Variants in RPH3A observed in about 807,000 individuals in gnomAD.
RPH3A encodes the protein rabphilin 3A.
In RPH3A, 48 loss-of-function variants were observed where a neutral mutation model predicts 102.2. The observed-to-expected ratio is 0.47, with a 90% CI of 0.37 to 0.60. RPH3A has a LOEUF of 0.60. RPH3A is among the 20% of genes least tolerant of loss of function. The pLI is 0.00. For synonymous variants in RPH3A, 310 were observed against 324.3 expected (o/e 0.96, Z 0.47); for missense variants, 781 against 910.1 (o/e 0.86, Z 1.83).
At position 112,852,669 on chromosome 12, in the gene RPH3A, C is replaced by T. The variant is rs569201858; in HGVS notation, c.230+4827C>T. Among the ~76,000 whole-genome samples the T allele has an allele frequency of 4.6e-5, 7 of 152,276 alleles. No homozygotes were observed. The South Asian group carries it at 1.5e-3, about 32-fold the overall frequency. ...ATCAGCAGTGGCCAGAGGTGCCAGG[C>T]TAGACACACGTGGCTGCTGAGCACT... On this transcript the variant is annotated intron_variant, in intron 5 of 21. Coordinates refer to ENST00000389385, the MANE Select transcript of RPH3A (RefSeq NM_001143854.2).
At chr12:112,797,836 A>G (rs73427006) in intron 2 of RPH3A, among the ~76,000 whole-genome samples, 2,253 of 151,846 alleles carry the variant, frequency 0.015, 68 homozygotes, top group African/African-American at 0.051. Flanking sequence ...GGAAGTACAG[A>G]CACGACCATG....
chr12:112,654,138 C>T lies in RPH3A; in HGVS notation c.-140+78819C>T, dbSNP rs372085563. Among the ~76,000 whole-genome samples the T allele has an allele frequency of 4.9e-4, 74 of 152,292 alleles. 1 individual carries two copies. Among genetic ancestry groups the T allele is most frequent in the African/African-American group, 1.6e-3 (66 of 41,550 alleles). On this transcript the variant is annotated intron_variant, in intron 1 of 21. Transcript: ENST00000543106. ...CCTCCTGAAGGACCTGGCTGAGGCTCTTGAGGAGATGTCACTCTTTTCAGA... is the reference window on the plus strand; with the variant it reads ...CCTCCTGAAGGACCTGGCTGAGGCTTTTGAGGAGATGTCACTCTTTTCAGA...
intron 1 of RPH3A, among the ~76,000 whole-genome samples, chr12:112,663,838 C>T (rs1244369494): frequency 6.6e-6 from 1 of 152,152 alleles, no homozygotes; most frequent in African/African-American, 2.4e-5. Flanking sequence ...TCACATCTTT[C>T]CAGCATATAA....
intron 2 of RPH3A, among the ~76,000 whole-genome samples, chr12:112,819,169 G>A (rs1337208115): frequency 6.6e-6 from 1 of 151,988 alleles, no homozygotes; most frequent in Non-Finnish European, 1.5e-5. Context: ...GCAGTGGCAT[G>A]ATCTCAGCTC....
At chr12:112,621,210 A>G (rs1282991483) in intron 1 of RPH3A, among the ~76,000 whole-genome samples, 1 of 152,042 alleles carries the variant, frequency 6.6e-6, no homozygotes, top group Non-Finnish European at 1.5e-5. Context: ...AGGAGCCAAG[A>G]TGGCCGAATA....
intron 1 of RPH3A, among the ~76,000 whole-genome samples, chr12:112,684,366 C>A (rs959668984): frequency 1.3e-5 from 2 of 152,160 alleles, no homozygotes; most frequent in African/African-American, 4.8e-5. Context: ...TCAGGCGATT[C>A]TCCTGCCTCA....
chr12:112,890,168 TC>T lies in RPH3A; in HGVS notation c.1620+90del, dbSNP rs558120903. The stretch of plus-strand genomic sequence containing the variant: ...CCTCTTCTCTCCCTCCCTGGCCCCT[TC>T]CTCATCCATTCTCTTCCAACCACCC... On this transcript the variant is annotated intron_variant, in intron 18 of 21. Transcript: ENST00000389385. 113 of 1,200,242 alleles carry T rather than the reference TC, an allele frequency of 9.4e-5. 1 individual carries two copies. The South Asian group carries it at 1.2e-3, about 13-fold the overall frequency. The allele number at this position is 1,200,242 out of a possible 1,614,324, so 74.3% of individuals were successfully genotyped here.
intron 2 of RPH3A, among the ~76,000 whole-genome samples, chr12:112,815,247 T>C (rs1593034485): frequency 6.6e-6 from 1 of 152,232 alleles, no homozygotes; most frequent in Non-Finnish European, 1.5e-5. Flanking sequence ...CAAATAGAAA[T>C]TATCAAGCAA....
chr12:112,688,885 A>G (rs747844733), intron 1 of RPH3A, among the ~76,000 whole-genome samples: 19 of 152,226 alleles, frequency 1.2e-4, no homozygotes, highest in Non-Finnish European at 2.2e-4. Flanking sequence ...ATAAAAATTT[A>G]TAAGTGGAGG....
At chr12:112,620,249 C>G (rs936700431) in intron 1 of RPH3A, among the ~76,000 whole-genome samples, 1 of 152,188 alleles carries the variant, frequency 6.6e-6, no homozygotes, top group African/African-American at 2.4e-5. Flanking sequence ...TCATGGTGCT[C>G]TATGCTTGGA....
chr12:112,698,952 G>A (rs529136282), intron 1 of RPH3A, among the ~76,000 whole-genome samples: 1 of 145,116 alleles, frequency 6.9e-6, no homozygotes, highest in African/African-American at 2.6e-5. Flanking sequence ...TTCTTCCAGG[G>A]TCTTGCTCTG....
At chr12:112,880,145 CT>C (rs2042881816) in intron 14 of RPH3A, among the ~76,000 whole-genome samples, 1 of 152,112 alleles carries the variant, frequency 6.6e-6, no homozygotes, top group Non-Finnish European at 1.5e-5. Context: ...GCCCAAGTCA[CT>C]TTTTTATTGA....
At chr12:112,609,730 C>A (rs1414230853) in intron 1 of RPH3A, among the ~76,000 whole-genome samples, 1 of 152,262 alleles carries the variant, frequency 6.6e-6, no homozygotes, top group South Asian at 2.1e-4. Flanking sequence ...TACAGACCTG[C>A]CCCCCAAACC....
intron 1 of RPH3A, among the ~76,000 whole-genome samples, chr12:112,645,254 G>A (rs765750992): frequency 6.6e-6 from 1 of 152,092 alleles, no homozygotes; most frequent in Non-Finnish European, 1.5e-5. Context: ...CTACAACAAA[G>A]GGTCATGTTG....
intron 5 of RPH3A, 137 bp downstream of exon 5, chr12:112,847,979 T>TC: frequency 1.2e-6 from 1 of 849,750 alleles, no homozygotes; most frequent in Non-Finnish European, 1.8e-6. Flanking sequence ...CGGGGCCACC[T>TC]CCCCGCCCCA....
intron 1 of RPH3A, among the ~76,000 whole-genome samples, chr12:112,624,648 T>G (rs1241764435): frequency 1.3e-5 from 2 of 150,832 alleles, no homozygotes; most frequent in Non-Finnish European, 2.9e-5. Context: ...CTGGTACCAT[T>G]CCTTCTGAAA....
chr12:112,713,039 TCTTCTTCTTCTCC>T, intron 1 of RPH3A, among the ~76,000 whole-genome samples: 1 of 86,100 alleles, frequency 1.2e-5, no homozygotes, highest in South Asian at 5.1e-4. Flanking sequence ...TTCTTCTTCT[TCTTCTTCTTCTCC>T]TTCTTCTTCT....
intron 1 of RPH3A, among the ~76,000 whole-genome samples, chr12:112,667,703 AG>A (rs1305861899): frequency 4.8e-5 from 7 of 145,202 alleles, no homozygotes; most frequent in African/African-American, 1.8e-4. Flanking sequence ...AGAGAGAGAG[AG>A]AGAGAGAGAG....
intron 2 of RPH3A, among the ~76,000 whole-genome samples, chr12:112,793,329 C>G (rs2041161403): frequency 6.6e-6 from 1 of 152,186 alleles, no homozygotes; most frequent in Admixed American, 6.5e-5. Context: ...AGCATTTTTG[C>G]TATTATCTCA....
Sources: allele counts gnomAD v4.1 joint callset (sites outside exome capture counted in the v4.1 genomes callset), GRCh38; gene constraint gnomAD v4.1.1; transcripts MANE v1.5; gene names NCBI Gene and HGNC (gene_info 2026-07-23, HGNC 2026-07-21).